Variants in GEM observed in about 807,000 individuals in gnomAD.
GEM encodes GTP binding protein overexpressed in skeletal muscle, also known as GTP-binding protein GEM.
A neutral mutation model predicts 33.0 loss-of-function variants in GEM; 31 were observed. The ratio of observed to expected loss-of-function variants is 0.94; its 90% CI spans 0.71 to 1.27. The LOEUF (loss-of-function observed/expected upper bound fraction) is 1.27, where lower values mean the gene tolerates loss of function less well. Ranked by LOEUF, GEM falls within the 50% of genes most tolerant of loss-of-function variation. The pLI is 0.00. For missense variants in GEM, 354 were observed against 390.5 expected, an observed-to-expected ratio of 0.91 and a Z score of 0.79; for synonymous variants, 141 against 143.7, an observed-to-expected ratio of 0.98 and a Z score of 0.13.
intron 2 of GEM, among the ~76,000 whole-genome samples, chr8:94,256,447 G>C (rs60049427): frequency 0.019 from 2,891 of 152,228 alleles, 81 homozygotes; most frequent in African/African-American, 0.066. Flanking sequence ...CTTGTGCTTG[G>C]AAGTGAGGCC....
At position 94,252,091 on chromosome 8, in the gene GEM, T is replaced by C; in HGVS notation, c.541A>G (p.Thr181Ala). ...ACCAAAATTATGGGAATGTCCTCTGTCTGCCGGGCCCTGCGGAGCTGGATT... is the reference window on the plus strand; with the variant it reads ...ACCAAAATTATGGGAATGTCCTCTGCCTGCCGGGCCCTGCGGAGCTGGATT... ...LRIQLRRARQ[T>A]EDIPIILVGN... The change falls in exon 4 of 5, where the codon ACA (threonine) becomes GCA (alanine). Residue 181 changes from threonine (T) to alanine (A), a missense_variant. Physicochemically the swap from Thr to Ala is moderately conservative, Grantham distance 58 (BLOSUM62 0). Coordinates refer to ENST00000297596, the MANE Select transcript of GEM (RefSeq NM_005261.4). The C allele has an allele frequency of 6.2e-7, 1 of 1,614,176 alleles. No homozygotes were observed. The highest frequency in any genetic ancestry group is 8.5e-7 in the Non-Finnish European group (1 of 1,180,028).
At chr8:94,258,171 A>C (rs1395911032) in intron 2 of GEM, among the ~76,000 whole-genome samples, 1 of 152,140 alleles carries the variant, frequency 6.6e-6, no homozygotes, top group East Asian at 1.9e-4. Context: ...CAGTCTTCTT[A>C]ACATTTTATG....
At chr8:94,251,448 A>AG (rs34867057) in intron 4 of GEM, among the ~76,000 whole-genome samples, 95,378 of 151,990 alleles carry the variant, frequency 0.63, 30,461 homozygotes, top group Middle Eastern at 0.71. Flanking sequence ...TAATTGTACC[A>AG]GGATCAAATC....
chr8:94,257,864 TAAAA>T (rs763584978), intron 2 of GEM, among the ~76,000 whole-genome samples: 1 of 145,458 alleles, frequency 6.9e-6, no homozygotes, highest in Non-Finnish European at 1.5e-5. Context: ...AATGCTGATT[TAAAA>T]AAAAAAAAAT....
At position 94,260,222 on chromosome 8, in the gene GEM, G is replaced by T; in HGVS notation, c.282C>A (p.Ile94=). 1 of 1,612,320 alleles carries T rather than the reference G, an allele frequency of 6.2e-7. No homozygotes were observed. Among genetic ancestry groups the T allele is most frequent in the South Asian group, 1.1e-5 (1 of 91,062 alleles). The change falls in exon 2 of 5, where the codon ATC becomes ATA. Residue 94 remains isoleucine (I), a synonymous_variant. Coordinates refer to ENST00000297596, the MANE Select transcript of GEM (RefSeq NM_005261.4). The part of the protein sequence containing the change: ...QGVGKSTLAN[I]FAGVHDSMDS... Reference sequence around the variant, plus strand: ...CCATGCTGTCATGCACACCTGCAAAGATGTTGGCCAGAGTGGACTTGCCCA... The same window carrying T: ...CCATGCTGTCATGCACACCTGCAAATATGTTGGCCAGAGTGGACTTGCCCA...
intron 4 of GEM, among the ~76,000 whole-genome samples, 178 bp from the exon 5 acceptor site, chr8:94,250,765 C>T (rs1037065754): frequency 1.3e-5 from 2 of 152,166 alleles, no homozygotes; most frequent in Non-Finnish European, 2.9e-5. Flanking sequence ...CTGGAGGGTC[C>T]CTGGAAGTAA....
At chr8:94,254,976 A>G (rs1335835274) in intron 2 of GEM, among the ~76,000 whole-genome samples, 1 of 152,236 alleles carries the variant, frequency 6.6e-6, no homozygotes, top group East Asian at 1.9e-4. Flanking sequence ...AGAACCTCAC[A>G]ACCTCAACCT....
Position 94,252,023 on chromosome 8 carries a change from T to A in GEM, c.609A>T (p.Val203=). Residue 203 remains valine (V), a synonymous_variant, in exon 4 of 5, where the codon GTA becomes GTT. Transcript: ENST00000297596. ...SDLVRCREVS[V]SEGRACAVVF... ...TATTGGCTCTGCTCCTCTTACCTGATACAGACACTTCTCGGCACCGCACTA... is the reference window on the plus strand; with the variant it reads ...TATTGGCTCTGCTCCTCTTACCTGAAACAGACACTTCTCGGCACCGCACTA... 2.5e-6 allele frequency: 4 copies of A among 1,611,080 alleles called. No homozygotes were observed. Among genetic ancestry groups the A allele is most frequent in the Non-Finnish European group, 3.4e-6 (4 of 1,177,176 alleles).
chr8:94,261,594 G>C (rs938330241), intron 1 of GEM, among the ~76,000 whole-genome samples: 2 of 152,108 alleles, frequency 1.3e-5, no homozygotes, highest in Non-Finnish European at 2.9e-5. Context: ...AACTCCTGGG[G>C]TCAAGTGATC....
chr8:94,250,195 C>T lies in GEM; in HGVS notation c.*115G>A. ...GCCCACAAGGCTAATACGCTAGCTC[C>T]CTGCTACAATGGGGGAAACCACATC... On this transcript the variant is annotated 3_prime_UTR_variant, in exon 5 of 5. Transcript: ENST00000297596. The T allele has an allele frequency of 1.2e-6, 1 of 835,592 alleles. No homozygotes were observed. The highest frequency in any genetic ancestry group is 1.9e-6 in the Non-Finnish European group (1 of 528,482). The allele number at this position is 835,592 out of a possible 1,614,324, so 51.8% of individuals were successfully genotyped here. A position where few individuals can be genotyped will look rare whatever the true frequency, so the allele number is the denominator to read the frequency against.
chr8:94,250,496 A>T lies in GEM; in HGVS notation c.705T>A (p.Ile235=). Residue 235 remains isoleucine (I), a synonymous_variant, in exon 5 of 5, where the codon ATT becomes ATA. Coordinates refer to ENST00000297596, the MANE Select transcript of GEM (RefSeq NM_005261.4). ...CCCGCCGAAGGCGCACCTGTCGCAC[A>T]ATGCCCTCAAACAGCTCCTTCACGT... The part of the protein sequence containing the change: ...QHNVKELFEG[I]VRQVRLRRDS... 6.2e-7 allele frequency: 1 copy of T among 1,614,224 alleles called. No individual in the cohort carries two copies. The highest frequency in any genetic ancestry group is 1.3e-5 in the African/African-American group (1 of 75,060).
rs956022227 is a variant in GEM, at chr8:94,250,148, T to A, written c.*162A>T. 3 of 619,344 alleles carry A rather than the reference T, an allele frequency of 4.8e-6. No homozygotes were observed. The Admixed American group carries it at 9.6e-5, about 20-fold the overall frequency. The allele number at this position is 619,344 out of a possible 1,614,324, so 38.4% of individuals were successfully genotyped here. On this transcript the variant is annotated 3_prime_UTR_variant, in exon 5 of 5. Transcript: ENST00000297596. The stretch of plus-strand genomic sequence containing the variant: ...AAATACTGACTTTTTACAAAAATCT[T>A]TCATTTCCCATGCATCATGTTGCCC...
At chr8:94,257,156 T>C (rs1028633879) in intron 2 of GEM, among the ~76,000 whole-genome samples, 1 of 151,744 alleles carries the variant, frequency 6.6e-6, no homozygotes, top group Non-Finnish European at 1.5e-5. Flanking sequence ...ATTTTATTTA[T>C]TTTATTTTAT....
At chr8:94,253,861 C>T (rs920856922) in intron 2 of GEM, among the ~76,000 whole-genome samples, 2 of 152,064 alleles carry the variant, frequency 1.3e-5, no homozygotes, top group African/African-American at 2.4e-5. Flanking sequence ...GGGGGGCAGG[C>T]GTAGAAAAGG....
At chr8:94,250,644 C>A (rs1808749609) in intron 4 of GEM, 57 bp from the exon 5 acceptor site, 1 of 1,428,998 alleles carries the variant, frequency 7.0e-7, no homozygotes, top group African/African-American at 1.4e-5. Context: ...ACATAGCACA[C>A]AGTCAAGCTG....
chr8:94,255,972 G>C (rs1185189283), intron 2 of GEM, among the ~76,000 whole-genome samples: 1 of 152,050 alleles, frequency 6.6e-6, no homozygotes, highest in African/African-American at 2.4e-5. Context: ...CTTTAGTCAG[G>C]CTCCTCTGAA....
At chr8:94,258,328 C>T (rs1419147706) in intron 2 of GEM, among the ~76,000 whole-genome samples, 1 of 152,170 alleles carries the variant, frequency 6.6e-6, no homozygotes, top group East Asian at 1.9e-4. Context: ...TATGTCAACG[C>T]CCAAAGCACT....
Position 94,249,459 on chromosome 8 carries a change from A to G in GEM, c.*851T>C, listed in dbSNP as rs1291587051. The G allele has an allele frequency of 6.6e-6, 1 of 152,206 alleles. No individual in the cohort carries two copies. The highest frequency in any genetic ancestry group is 1.9e-4 in the East Asian group (1 of 5,200). 9.4% of individuals were successfully genotyped at this position (152,206 alleles called of 1,614,324 possible). A position where few individuals can be genotyped will look rare whatever the true frequency, so the allele number is the denominator to read the frequency against. ...GTGACATACAAGGGTCAACCAAAGT[A>G]CTGGAAGTTTTTATGCTATATGTTT... On this transcript the variant is annotated 3_prime_UTR_variant, in exon 5 of 5. Coordinates refer to ENST00000297596, the MANE Select transcript of GEM (RefSeq NM_005261.4).
chr8:94,260,084 A>G (rs1359095293), intron 2 of GEM, 89 bp downstream of exon 2: 2 of 841,206 alleles, frequency 2.4e-6, no homozygotes, highest in Non-Finnish European at 3.8e-6. Flanking sequence ...TCAGCTCCCA[A>G]CTCTGTGGGT....
Sources: allele counts gnomAD v4.1 joint callset (sites outside exome capture counted in the v4.1 genomes callset), GRCh38; gene constraint gnomAD v4.1.1; transcripts MANE v1.5; gene names NCBI Gene and HGNC (gene_info 2026-07-23, HGNC 2026-07-21).